The following SMYD3 variants were observed in gnomAD, a reference collection of about 807,000 sequenced individuals.
SMYD3 encodes the protein histone-lysine N-methyltransferase SMYD3.
Under a neutral mutation model 57.7 loss-of-function variants are expected in SMYD3, and 36 were observed. The ratio of observed to expected loss-of-function variants is 0.62; its 90% CI spans 0.48 to 0.82. The LOEUF (loss-of-function observed/expected upper bound fraction) is 0.82. SMYD3 is among the 40% of genes least tolerant of loss of function. The pLI, the probability that SMYD3 is intolerant of heterozygous loss-of-function variation, is 0.00. For missense variants in SMYD3, 515 were observed against 538.8 expected (o/e 0.96, Z 0.44); for synonymous variants, 211 against 195.0 (o/e 1.08, Z -0.68).
intron 5 of SMYD3, among the ~76,000 whole-genome samples, chr1:246,126,764 T>C (rs1420402700): frequency 1.3e-5 from 2 of 152,198 alleles, no homozygotes; most frequent in Non-Finnish European, 2.9e-5. Context: ...AATATATTCA[T>C]TGCAAGTAGG....
chr1:246,159,815 T>TG (rs2062085509), intron 5 of SMYD3, among the ~76,000 whole-genome samples: 2 of 149,358 alleles, frequency 1.3e-5, no homozygotes, highest in South Asian at 4.2e-4. Context: ...GGTCCTGGAG[T>TG]GGGGGGAGTA....
intron 5 of SMYD3, among the ~76,000 whole-genome samples, chr1:245,972,337 A>G (rs1358633619): frequency 3.3e-5 from 5 of 152,216 alleles, no homozygotes; most frequent in Non-Finnish European, 5.9e-5. Context: ...ACATGGCTCT[A>G]TGACAACAAC....
intron 1 of SMYD3, among the ~76,000 whole-genome samples, chr1:246,466,376 G>A (rs1483689507): frequency 6.6e-6 from 1 of 152,164 alleles, no homozygotes; most frequent in Non-Finnish European, 1.5e-5. Context: ...GTCCTCAGCA[G>A]GAACATGGAT....
At chr1:246,431,263 C>T (rs995534727) in intron 1 of SMYD3, among the ~76,000 whole-genome samples, 5 of 152,158 alleles carry the variant, frequency 3.3e-5, no homozygotes, top group Non-Finnish European at 7.3e-5. Flanking sequence ...TTTTTACATT[C>T]AACAAGCATA....
At chr1:246,324,832 G>C (rs2065312361) in intron 5 of SMYD3, among the ~76,000 whole-genome samples, 1 of 151,108 alleles carries the variant, frequency 6.6e-6, no homozygotes, top group Non-Finnish European at 1.5e-5. Flanking sequence ...AAAAATCTCT[G>C]CCCAGGGATC....
At chr1:246,446,993 C>G (rs1331526151) in intron 1 of SMYD3, among the ~76,000 whole-genome samples, 1 of 148,572 alleles carries the variant, frequency 6.7e-6, no homozygotes, top group Non-Finnish European at 1.5e-5. Flanking sequence ...CGTGCCACTG[C>G]ACTCCAGCCT....
intron 10 of SMYD3, among the ~76,000 whole-genome samples, chr1:245,796,317 C>G (rs929749381): frequency 6.6e-6 from 1 of 150,960 alleles, no homozygotes; most frequent in African/African-American, 2.5e-5. Flanking sequence ...GATGAAACAT[C>G]CAAATTAATG....
chr1:245,784,470 T>G (rs1485148875), intron 10 of SMYD3, among the ~76,000 whole-genome samples: 1 of 152,166 alleles, frequency 6.6e-6, no homozygotes, highest in Non-Finnish European at 1.5e-5. Context: ...TCAGCTAGGA[T>G]GACTTAAATG....
Position 246,507,139 on chromosome 1 carries a change from C to G in SMYD3, c.79G>C (p.Gly27Arg). The G allele has an allele frequency of 1.3e-6, 2 of 1,533,952 alleles. No homozygotes were observed. Among genetic ancestry groups the G allele is most frequent in the East Asian group, 2.6e-5 (1 of 38,580 alleles). ...GLRAVTPLRP[G>R]ELLFRSDPLA... Reference sequence around the variant, plus strand: ...GGATCCGAGCGGAAGAGTAGCTCTCCGGGGCGCAGCGGGGTCACGGCGCGC... The same window carrying G: ...GGATCCGAGCGGAAGAGTAGCTCTCGGGGGCGCAGCGGGGTCACGGCGCGC... The change falls in exon 1 of 12, where the codon GGA (glycine) becomes CGA (arginine). Residue 27 changes from glycine (G) to arginine (R), a missense_variant. Coordinates refer to ENST00000490107, the MANE Select transcript of SMYD3 (RefSeq NM_001167740.2).
At chr1:246,307,100 T>C (rs2064992152) in intron 5 of SMYD3, among the ~76,000 whole-genome samples, 1 of 152,172 alleles carries the variant, frequency 6.6e-6, no homozygotes, top group Admixed American at 6.5e-5. Context: ...TACTCTGGAG[T>C]ATAAAATAGT....
chr1:246,228,763 T>C (rs769836847), intron 5 of SMYD3, among the ~76,000 whole-genome samples: 1 of 152,140 alleles, frequency 6.6e-6, no homozygotes, highest in Non-Finnish European at 1.5e-5. Flanking sequence ...CATCACTTTA[T>C]GAAAAAAATT....
rs988631941 is a variant in SMYD3 at position 245,884,830 on chromosome 1, C to T, written c.814-20944G>A. Among the ~76,000 whole-genome samples, 5 of 151,646 alleles carry T rather than the reference C, an allele frequency of 3.3e-5. No homozygotes were observed. The South Asian group carries it at 1.0e-3, about 32-fold the overall frequency. ...ACTCTGTAAAATGGCCCAATCAGCTCTCTGTAAAATGGCCCAATCAGCAGG... is the reference window on the plus strand; with the variant it reads ...ACTCTGTAAAATGGCCCAATCAGCTTTCTGTAAAATGGCCCAATCAGCAGG... On this transcript the variant is annotated intron_variant, in intron 8 of 11. Coordinates refer to ENST00000490107, the MANE Select transcript of SMYD3 (RefSeq NM_001167740.2).
At chr1:245,910,357 A>G (rs967369716) in intron 8 of SMYD3, among the ~76,000 whole-genome samples, 2 of 152,104 alleles carry the variant, frequency 1.3e-5, no homozygotes, top group Non-Finnish European at 2.9e-5. Context: ...TGCTAAAATG[A>G]CCGTTCTATC....
chr1:245,793,071 G>A (rs1055246750), intron 10 of SMYD3, among the ~76,000 whole-genome samples: 19 of 51,618 alleles, frequency 3.7e-4, no homozygotes, highest in Non-Finnish European at 5.7e-4. Context: ...AGCACTTTGG[G>A]AGGCCGAGGC....
chr1:246,353,606 G>A (rs935176270), intron 2 of SMYD3, among the ~76,000 whole-genome samples: 4 of 152,188 alleles, frequency 2.6e-5, no homozygotes. Context: ...GAATGTTAGA[G>A]CAAGAACAGA....
At chr1:245,815,141 T>A (rs1231780770) in intron 10 of SMYD3, among the ~76,000 whole-genome samples, 1 of 152,140 alleles carries the variant, frequency 6.6e-6, no homozygotes, top group East Asian at 1.9e-4. Flanking sequence ...CTACCAACAA[T>A]AAAACAGAAG....
At chr1:246,496,675 A>G (rs1156385122) in intron 1 of SMYD3, among the ~76,000 whole-genome samples, 1 of 152,042 alleles carries the variant, frequency 6.6e-6, no homozygotes, top group Non-Finnish European at 1.5e-5. Context: ...AAAAAATATA[A>G]AAATTAGCCG....
At chr1:246,213,894 T>C (rs540290179) in intron 5 of SMYD3, among the ~76,000 whole-genome samples, 31 of 152,296 alleles carry the variant, frequency 2.0e-4, no homozygotes, top group African/African-American at 7.5e-4. Flanking sequence ...CTGAAGCACC[T>C]TGAATTTCCT....
intron 10 of SMYD3, among the ~76,000 whole-genome samples, chr1:245,790,659 G>A (rs956772902): frequency 1.3e-5 from 2 of 152,222 alleles, no homozygotes; most frequent in Non-Finnish European, 1.5e-5. Context: ...AGGAATTTCT[G>A]CCACAGATAA....
Sources: gnomAD v4.1 joint callset for allele counts (sites outside exome capture counted in the v4.1 genomes callset) on GRCh38, gnomAD v4.1.1 for gene constraint, MANE v1.5 for transcripts, NCBI Gene and HGNC (gene_info 2026-07-23, HGNC 2026-07-21) for gene names.